HDAC2: variants seen among roughly 807,000 people sequenced by gnomAD.
HDAC2 encodes the protein histone deacetylase 2, also known as YY1-associated factor 1.
Under a neutral mutation model 68.5 loss-of-function variants are expected in HDAC2, and 5 were observed. The observed-to-expected ratio is 0.07, with a 90% CI of 0.04 to 0.15. HDAC2 has a LOEUF of 0.15. Among genes scored for constraint, HDAC2 ranks in the 10% least tolerant of loss-of-function variants. The probability of loss-of-function intolerance (pLI) is 1.00; values close to 1 mark genes in which losing one functional copy is unlikely to be tolerated. For missense variants in HDAC2, 291 were observed against 600.8 expected (o/e 0.48, Z 5.39); for synonymous variants, 182 against 191.3 (o/e 0.95, Z 0.40).
intron 1 of HDAC2, among the ~76,000 whole-genome samples, chr6:113,962,963 C>CAAA (rs796684838): frequency 1.6e-5 from 1 of 62,636 alleles, no homozygotes. Context: ...GACTCTGTAT[C>CAAA]AAAAAAAAAA....
At chr6:113,966,332 C>A (rs970174112) in intron 1 of HDAC2, among the ~76,000 whole-genome samples, 1 of 151,942 alleles carries the variant, frequency 6.6e-6, no homozygotes, top group Non-Finnish European at 1.5e-5. Flanking sequence ...GGTGGATCAC[C>A]CCAGGTCAGG....
intron 8 of HDAC2, 84 bp downstream of exon 8, chr6:113,948,895 A>G: frequency 6.7e-7 from 1 of 1,499,330 alleles, no homozygotes; most frequent in Non-Finnish European, 9.0e-7. Flanking sequence ...CAGGCAAGAA[A>G]CTACAATGAG....
chr6:113,952,715 G>C (rs967920544), intron 6 of HDAC2, among the ~76,000 whole-genome samples: 4 of 152,038 alleles, frequency 2.6e-5, no homozygotes, highest in Admixed American at 6.6e-5. Context: ...AGTCATAAAA[G>C]ACAAGAGCAT....
intron 6 of HDAC2, among the ~76,000 whole-genome samples, chr6:113,952,753 A>G (rs1776449896): frequency 6.6e-6 from 1 of 152,244 alleles, no homozygotes; most frequent in Non-Finnish European, 1.5e-5. Flanking sequence ...CAAATAAAAT[A>G]GAAATACACT....
intron 12 of HDAC2, among the ~76,000 whole-genome samples, chr6:113,942,034 G>A (rs1435149207): frequency 6.6e-6 from 1 of 151,924 alleles, no homozygotes; most frequent in East Asian, 1.9e-4. Context: ...TTCTGTGGTA[G>A]TATTTCATTT....
Position 113,941,740 on chromosome 6 carries a change from C to A in HDAC2, c.1404G>T (p.Lys468Asn). 1 of 1,453,360 alleles carries A rather than the reference C, an allele frequency of 6.9e-7. No individual in the cohort carries two copies. Among genetic ancestry groups the A allele is most frequent in the South Asian group, 1.3e-5 (1 of 75,968 alleles). 90.0% of individuals were successfully genotyped at this position (1,453,360 alleles called of 1,614,324 possible). ...KTDVKEEDKS[K>N]DNSGEKTDTK... The stretch of plus-strand genomic sequence containing the variant: ...TATCTGTTTTTTCACCACTGTTGTC[C>A]TTGGATTTATCTTCTTCCTTAACGT... The change falls in exon 13 of 14, where the codon AAG becomes AAT. Residue 468 changes from lysine to asparagine, a missense_variant. Transcript: ENST00000519065.
rs765212081 is a variant in HDAC2 at position 113,953,467 on chromosome 6, T to TG, written c.498-50dup. ...GGTTTTTCCTTTAAAGGTTCTAAGA[T>TG]GGGAAGAAGCACCACAAATTCAGGA... On this transcript the variant is annotated intron_variant, in intron 5 of 13. Coordinates refer to ENST00000519065, the MANE Select transcript of HDAC2 (RefSeq NM_001527.4). 8.5e-6 allele frequency: 10 copies of TG among 1,170,096 alleles called. No homozygotes were observed. The South Asian group carries it at 1.5e-4, about 17-fold the overall frequency. 72.5% of individuals were successfully genotyped at this position (1,170,096 alleles called of 1,614,324 possible).
intron 5 of HDAC2, among the ~76,000 whole-genome samples, chr6:113,953,659 T>C (rs1309957359): frequency 6.6e-6 from 1 of 152,210 alleles, no homozygotes; most frequent in African/African-American, 2.4e-5. Flanking sequence ...TCTGTTCTAT[T>C]CTACATGCTT....
chr6:113,957,702 G>A (rs1374808060), intron 3 of HDAC2, among the ~76,000 whole-genome samples: 1 of 152,000 alleles, frequency 6.6e-6, no homozygotes, highest in Non-Finnish European at 1.5e-5. Flanking sequence ...TGGCCAGGCT[G>A]GTTTCGAACT....
At chr6:113,966,597 T>A (rs918829218) in intron 1 of HDAC2, among the ~76,000 whole-genome samples, 1 of 150,020 alleles carries the variant, frequency 6.7e-6, no homozygotes, top group Non-Finnish European at 1.5e-5. Context: ...AATTTATTCA[T>A]CACTAATTAA....
Position 113,938,669 on chromosome 6 carries a change from A to T in HDAC2, c.*2389T>A, listed in dbSNP as rs1408939297. ...CATTTTTATCCTATATGAATTTTTT[A>T]AAGTATTAGGGTATTCTGACATCTT... On this transcript the variant is annotated 3_prime_UTR_variant, in exon 14 of 14. Transcript: ENST00000519065. 1.3e-5 allele frequency: 2 copies of T among 152,190 alleles called. No homozygotes were observed. Among genetic ancestry groups the T allele is most frequent in the African/African-American group, 4.8e-5 (2 of 41,442 alleles). The allele number at this position is 152,190 out of a possible 1,614,324, so 9.4% of individuals were successfully genotyped here.
At chr6:113,950,677 TG>T (rs1323304211) in intron 6 of HDAC2, among the ~76,000 whole-genome samples, 1 of 111,558 alleles carries the variant, frequency 9.0e-6, no homozygotes, top group Non-Finnish European at 1.8e-5. Flanking sequence ...ATTACAGGCA[TG>T]AGCCACTGCG....
Position 113,949,095 on chromosome 6 carries a change from C to A in HDAC2, c.733-8G>T. On this transcript the variant is annotated splice_polypyrimidine_tract_variant and splice_region_variant and intron_variant, in intron 7 of 13. Coordinates refer to ENST00000519065, the MANE Select transcript of HDAC2 (RefSeq NM_001527.4). ...CATCACCTTTGAGATAATCTACACACAAGATAACAAATGTTAGCATCTCCA... is the reference window on the plus strand; with the variant it reads ...CATCACCTTTGAGATAATCTACACAAAAGATAACAAATGTTAGCATCTCCA... 1.2e-6 allele frequency: 2 copies of A among 1,612,512 alleles called. No individual in the cohort carries two copies. Among genetic ancestry groups the A allele is most frequent in the Non-Finnish European group, 1.7e-6 (2 of 1,178,708 alleles).
intron 1 of HDAC2, chr6:113,970,040 A>C (rs1355747153): frequency 1.3e-5 from 2 of 152,198 alleles, no homozygotes; most frequent in Non-Finnish European, 2.9e-5. Context: ...ACATCTCCCT[A>C]CCACCTCTTA....
rs1361437953 is a variant in HDAC2 at position 113,940,375 on chromosome 6, C to T, written c.*683G>A. ...CAATACAAGTTCTGGTCAGTTTCTT[C>T]TTTCAATTCAGAATTTCCATTTCAA... On this transcript the variant is annotated 3_prime_UTR_variant, in exon 14 of 14. Coordinates refer to ENST00000519065, the MANE Select transcript of HDAC2 (RefSeq NM_001527.4). 2.0e-5 allele frequency: 3 copies of T among 152,170 alleles called. No individual in the cohort carries two copies. The highest frequency in any genetic ancestry group is 7.2e-5 in the African/African-American group (3 of 41,440). 9.4% of individuals were successfully genotyped at this position (152,170 alleles called of 1,614,324 possible). A position where few individuals can be genotyped will look rare whatever the true frequency, so the allele number is the denominator to read the frequency against.
Position 113,943,516 on chromosome 6 carries a change from A to C in HDAC2, c.1223-10T>G. 6.3e-7 allele frequency: 1 copy of C among 1,575,762 alleles called. No homozygotes were observed. The highest frequency in any genetic ancestry group is 1.2e-5 in the South Asian group (1 of 85,318). On this transcript the variant is annotated splice_polypyrimidine_tract_variant and intron_variant, in intron 11 of 13. Coordinates refer to ENST00000519065, the MANE Select transcript of HDAC2 (RefSeq NM_001527.4). Reference sequence around the variant, plus strand: ...TTGTCTGATGCTCGAACTGCACAGAATATTTTAATAAATTTTGACAAAAAC... The same window carrying C: ...TTGTCTGATGCTCGAACTGCACAGACTATTTTAATAAATTTTGACAAAAAC...
At chr6:113,960,082 TTATG>T in intron 1 of HDAC2, 64 bp from the exon 2 acceptor site, 1 of 812,986 alleles carries the variant, frequency 1.2e-6, no homozygotes, top group South Asian at 1.4e-5. Flanking sequence ...CTATTTGAAT[TTATG>T]TATGTCTATC....
At position 113,933,441 on chromosome 6, in the gene HDAC2, G is replaced by C. The variant is rs1351164178; in HGVS notation, c.*7617C>G. 1 of 151,972 alleles carries C rather than the reference G, an allele frequency of 6.6e-6. No homozygotes were observed. The highest frequency in any genetic ancestry group is 1.5e-5 in the Non-Finnish European group (1 of 67,950). 9.4% of individuals were successfully genotyped at this position (151,972 alleles called of 1,614,324 possible). Reference sequence around the variant, plus strand: ...TTCAGTTATTCTGACTCCTGGACCTGAGATTCGATCCTATCCCATCCCATC... The same window carrying C: ...TTCAGTTATTCTGACTCCTGGACCTCAGATTCGATCCTATCCCATCCCATC... On this transcript the variant is annotated 3_prime_UTR_variant, in exon 14 of 14. Transcript: ENST00000519065.
At chr6:113,951,406 G>A (rs550674733) in intron 6 of HDAC2, among the ~76,000 whole-genome samples, 2 of 151,644 alleles carry the variant, frequency 1.3e-5, no homozygotes, top group South Asian at 2.1e-4. Context: ...ATTCTCTTAC[G>A]AAGTTATGGG....
Sources: allele counts gnomAD v4.1 joint callset (sites outside exome capture counted in the v4.1 genomes callset), GRCh38; gene constraint gnomAD v4.1.1; transcripts MANE v1.5; gene names NCBI Gene and HGNC (gene_info 2026-07-23, HGNC 2026-07-21).